ARFGEF2: variants seen among roughly 807,000 people sequenced by gnomAD.
ARFGEF2 encodes the protein ARF guanine nucleotide exchange factor 2.
In ARFGEF2, 74 loss-of-function variants were observed where a neutral mutation model predicts 219.9. The observed-to-expected ratio is 0.34, with a 90% CI of 0.28 to 0.41. The LOEUF is 0.41. Among genes scored for constraint, ARFGEF2 ranks in the 10% least tolerant of loss-of-function variants. The pLI, the probability that ARFGEF2 is intolerant of heterozygous loss-of-function variation, is 1.00. For missense variants in ARFGEF2, 1,743 were observed against 2,218.3 expected (o/e 0.79, Z 4.30); for synonymous variants, 733 against 799.2 (o/e 0.92, Z 1.40).
intron 14 of ARFGEF2, among the ~76,000 whole-genome samples, chr20:48,976,981 A>C (rs962925913): frequency 6.6e-5 from 9 of 136,240 alleles, no homozygotes; most frequent in Non-Finnish European, 1.4e-4. Context: ...ATTTTATTTT[A>C]TGTTGTTTTC....
chr20:49,008,513 A>G (rs1311333192), intron 26 of ARFGEF2, among the ~76,000 whole-genome samples: 1 of 151,848 alleles, frequency 6.6e-6, no homozygotes, highest in African/African-American at 2.4e-5. Flanking sequence ...CAGTGAGCCA[A>G]GATCGCACCA....
At chr20:48,999,510 A>G (rs2091411843) in intron 25 of ARFGEF2, among the ~76,000 whole-genome samples, 2 of 152,188 alleles carry the variant, frequency 1.3e-5, no homozygotes, top group African/African-American at 4.8e-5. Context: ...GCACTTTGGG[A>G]GGCTGAGGCA....
In ARFGEF2 at chr20:48,953,710, G is replaced by A; in HGVS notation, c.758G>A (p.Gly253Asp). The change falls in exon 6 of 39, where the codon GGT becomes GAT. Residue 253 changes from glycine (G) to aspartate (D), a missense_variant. Around this residue, in one of 5 missense-constraint regions of ARFGEF2, gnomAD observed 394 missense variants for 426.6 expected, o/e 0.92. Transcript: ENST00000371917. ...CCCGAAAAAACAGATTTAACCAACG[G>A]TGAACATGCCAGGAGTGATTCTGGA... ...TTPEKTDLTN[G>D]EHARSDSGKV... The A allele has an allele frequency of 6.2e-7, 1 of 1,614,142 alleles. No homozygotes were observed. The highest frequency in any genetic ancestry group is 8.5e-7 in the Non-Finnish European group (1 of 1,180,040).
At chr20:48,935,223 A>T (rs2090940318) in intron 1 of ARFGEF2, among the ~76,000 whole-genome samples, 1 of 152,134 alleles carries the variant, frequency 6.6e-6, no homozygotes, top group Non-Finnish European at 1.5e-5. Context: ...TGGTTTTCCT[A>T]GGCAGAGGAC....
At chr20:48,954,739 A>C (rs2091095707) in intron 6 of ARFGEF2, among the ~76,000 whole-genome samples, 1 of 152,208 alleles carries the variant, frequency 6.6e-6, no homozygotes, top group South Asian at 2.1e-4. Context: ...AGGAAAGCAC[A>C]AAAGAAAAAA....
At chr20:48,980,144 C>A (rs1568718711) in intron 14 of ARFGEF2, among the ~76,000 whole-genome samples, 1 of 152,192 alleles carries the variant, frequency 6.6e-6, no homozygotes. Flanking sequence ...CCTCTACACA[C>A]TGCTTTAAAT....
chr20:48,934,714 A>G (rs756330385), intron 1 of ARFGEF2, among the ~76,000 whole-genome samples: 6 of 152,226 alleles, frequency 3.9e-5, no homozygotes, highest in Non-Finnish European at 8.8e-5. Context: ...ATAGTAGTCC[A>G]TGGTGTATAT....
rs988781255 is a variant in ARFGEF2, at chr20:48,975,940, G to A, written c.1775-76G>A. The A allele has an allele frequency of 4.3e-5, 64 of 1,472,338 alleles. 1 individual carries two copies. The highest frequency in any genetic ancestry group is 2.4e-4 in the Middle Eastern group (1 of 4,196). The allele number at this position is 1,472,338 out of a possible 1,614,324, so 91.2% of individuals were successfully genotyped here. On this transcript the variant is annotated intron_variant, in intron 13 of 38. Transcript: ENST00000371917. ...TATTACAGGTTTGGGAAAGGGAGCC[G>A]TGCAGCCAGACCTAGCTCGGCTGTG...
Position 48,973,214 on chromosome 20 carries a change from G to A in ARFGEF2, c.1595G>A (p.Arg532His). Residue 532 changes from arginine to histidine, a missense_variant, in exon 12 of 39, where the codon CGC (arginine) becomes CAC (histidine). Physicochemically the swap from Arg to His is conservative, Grantham distance 29. Coordinates refer to ENST00000371917, the MANE Select transcript of ARFGEF2 (RefSeq NM_006420.3). ...TTAAATGCTGCTAACATTTTTGAGC[G>A]CCTTGTAAATGATTTATCCAAAATT... ...CDLNAANIFE[R>H]LVNDLSKIAQ... 1.2e-6 allele frequency: 2 copies of A among 1,614,058 alleles called. No homozygotes were observed. The highest frequency in any genetic ancestry group is 1.7e-6 in the Non-Finnish European group (2 of 1,179,978).
At chr20:48,999,227 G>C (rs1203714895) in intron 25 of ARFGEF2, 2 of 451,414 alleles carry the variant, frequency 4.4e-6, no homozygotes, top group African/African-American at 4.0e-5. Flanking sequence ...AACGGAGCAA[G>C]ACTTCGTCTC....
rs1384803815 is a variant in ARFGEF2, at chr20:48,991,093, C to G, written c.2868C>G (p.Ala956=). The G allele has an allele frequency of 6.2e-7, 1 of 1,614,188 alleles. No individual in the cohort carries two copies. Among genetic ancestry groups the G allele is most frequent in the East Asian group, 2.2e-5 (1 of 44,886 alleles). The stretch of plus-strand genomic sequence containing the variant: ...TTGCTCGCTTCTCCCTACTCACAGC[C>G]AGCTCCAGCATCACAGAAATGAAGC... ...QALARFSLLT[A]SSSITEMKQK... The change falls in exon 21 of 39, where the codon GCC becomes GCG. Residue 956 remains alanine, a synonymous_variant. Transcript: ENST00000371917.
chr20:48,994,632 G>A, intron 22 of ARFGEF2, 34 bp downstream of exon 22: 1 of 1,611,588 alleles, frequency 6.2e-7, no homozygotes. Context: ...AACAGTCACG[G>A]ATTTGCAAGC....
intron 1 of ARFGEF2, among the ~76,000 whole-genome samples, chr20:48,940,885 C>A (rs2090989099): frequency 6.6e-6 from 1 of 152,148 alleles, no homozygotes; most frequent in African/African-American, 2.4e-5. Flanking sequence ...TCTTCATCCC[C>A]AAATGTCAGT....
At chr20:48,964,510 T>TA (rs1237074942) in intron 7 of ARFGEF2, among the ~76,000 whole-genome samples, 1 of 152,072 alleles carries the variant, frequency 6.6e-6, no homozygotes, top group Non-Finnish European at 1.5e-5. Flanking sequence ...CAGGTTTTTC[T>TA]AGGAGTGGGC....
rs1476838945 is a variant in ARFGEF2, at chr20:48,933,098, A to G, written c.122-8101A>G. Reference sequence around the variant, plus strand: ...GTGTGTGACCCGAGCGGTAACATCCAGAAAGGATTTCCCGCAAAGACAGCG... The same window carrying G: ...GTGTGTGACCCGAGCGGTAACATCCGGAAAGGATTTCCCGCAAAGACAGCG... On this transcript the variant is annotated intron_variant, in intron 1 of 38. Transcript: ENST00000371917. 2.0e-5 allele frequency among the ~76,000 whole-genome samples: 3 copies of G among 152,200 alleles called. No homozygotes were observed. The East Asian group carries it at 5.8e-4, about 29-fold the overall frequency.
chr20:48,983,304 T>C (rs1362915552), intron 14 of ARFGEF2, among the ~76,000 whole-genome samples: 1 of 152,158 alleles, frequency 6.6e-6, no homozygotes, highest in Non-Finnish European at 1.5e-5. Flanking sequence ...TTCCAGTCTT[T>C]TACACACATC....
chr20:49,000,676 C>A (rs527312676), intron 25 of ARFGEF2, among the ~76,000 whole-genome samples: 1 of 152,338 alleles, frequency 6.6e-6, no homozygotes, highest in African/African-American at 2.4e-5. Context: ...ACAGCTAAGC[C>A]AGAACAAACG....
At position 48,998,387 on chromosome 20, in the gene ARFGEF2, C is replaced by G. The variant is rs2091404456; in HGVS notation, c.3314C>G (p.Pro1105Arg). 3.1e-6 allele frequency: 5 copies of G among 1,614,106 alleles called. No individual in the cohort carries two copies. The highest frequency in any genetic ancestry group is 4.2e-6 in the Non-Finnish European group (5 of 1,180,024). ...CAVSMDELAS[P>R]HHPRMFSLQK... ...GTGTCCATGGATGAACTGGCTTCCC[C>G]CCACCATCCTCGCATGTTCAGCTTG... Residue 1105 changes from proline to arginine, a missense_variant, in exon 25 of 39, where the codon CCC (proline) becomes CGC (arginine). Pro to Arg is a moderately radical substitution (Grantham distance 103). This residue lies in a region of ARFGEF2 where 666 missense variants were observed against 955.4 expected (regional missense o/e 0.70). Transcript: ENST00000371917.
At chr20:48,988,260 A>G in intron 16 of ARFGEF2, 44 bp from the exon 17 acceptor site, 1 of 1,429,172 alleles carries the variant, frequency 7.0e-7, no homozygotes, top group East Asian at 2.3e-5. Flanking sequence ...TACCTTCCAA[A>G]CCGCATCACC....
Sources: allele counts gnomAD v4.1 joint callset (sites outside exome capture counted in the v4.1 genomes callset), GRCh38; gene constraint gnomAD v4.1.1; regional missense constraint gnomAD v4.1.1; transcripts MANE v1.5; gene names NCBI Gene and HGNC (gene_info 2026-07-23, HGNC 2026-07-21).